PCED1B: variants seen among roughly 807,000 people sequenced by gnomAD.
PCED1B encodes PC-esterase domain containing 1B.
For missense variants in PCED1B, 573 were observed against 573.9 expected (o/e 1.00, Z 0.02); for synonymous variants, 251 against 246.1 (o/e 1.02, Z -0.19).
intron 2 of PCED1B, among the ~76,000 whole-genome samples, chr12:47,202,704 T>G (rs1322327289): frequency 6.6e-6 from 1 of 150,932 alleles, no homozygotes; most frequent in Non-Finnish European, 1.5e-5. Flanking sequence ...TGTTTAAAAA[T>G]CAGGATACAG....
At chr12:47,202,935 A>G (rs972170355) in intron 2 of PCED1B, among the ~76,000 whole-genome samples, 3 of 150,764 alleles carry the variant, frequency 2.0e-5, no homozygotes, top group African/African-American at 4.9e-5. Flanking sequence ...TCACCTCTGT[A>G]TATTCTTTAT....
At chr12:47,191,031 A>G (rs1942424598) in intron 2 of PCED1B, among the ~76,000 whole-genome samples, 1 of 152,248 alleles carries the variant, frequency 6.6e-6, no homozygotes, top group Non-Finnish European at 1.5e-5. Context: ...GGGGGTCAGG[A>G]TATGAAGTTA....
At position 47,110,074 on chromosome 12, in the gene PCED1B, A is replaced by G. The variant is rs80183494; in HGVS notation, c.-526+5879A>G. Among the ~76,000 whole-genome samples, 906 of 152,312 alleles carry G rather than the reference A, an allele frequency of 5.9e-3. 6 individuals carry two copies. The highest frequency in any genetic ancestry group is 0.02 in the African/African-American group (837 of 41,558). ...AATTGGCCTGAATGGTTGGCTTGGA[A>G]GATGTTTGTTAGTGGCCAGAATCAT... On this transcript the variant is annotated intron_variant, in intron 2 of 3. Coordinates refer to ENST00000546455, the MANE Select transcript of PCED1B (RefSeq NM_138371.3).
At chr12:47,177,615 TG>T (rs1941965315) in intron 2 of PCED1B, among the ~76,000 whole-genome samples, 1 of 151,190 alleles carries the variant, frequency 6.6e-6, no homozygotes, top group African/African-American at 2.4e-5. Context: ...GGTGGTGGGG[TG>T]GGGGGTGGCA....
At chr12:47,134,670 C>A (rs10881049) in intron 2 of PCED1B, among the ~76,000 whole-genome samples, 72,572 of 151,926 alleles carry the variant, frequency 0.48, 20,106 homozygotes, top group Non-Finnish European at 0.61. Context: ...CAGATCGAGA[C>A]CATCCTGGCC....
intron 1 of PCED1B, among the ~76,000 whole-genome samples, chr12:47,094,283 A>G (rs854896): frequency 2.0e-5 from 3 of 152,162 alleles, no homozygotes; most frequent in Non-Finnish European, 4.4e-5. Context: ...TTGTGTTTGC[A>G]TGGTATATTT....
chr12:47,232,423 C>T (rs796574966), intron 3 of PCED1B, among the ~76,000 whole-genome samples: 1 of 152,112 alleles, frequency 6.6e-6, no homozygotes, highest in East Asian at 1.9e-4. Context: ...TATTTATACC[C>T]ATTTAAAACT....
At chr12:47,197,665 AG>A (rs1435413412) in intron 2 of PCED1B, among the ~76,000 whole-genome samples, 11 of 151,696 alleles carry the variant, frequency 7.3e-5, no homozygotes, top group Admixed American at 7.2e-4. Context: ...ATACAAAAAA[AG>A]GGAGAAGACA....
At chr12:47,087,857 G>A (rs1388817946) in intron 1 of PCED1B, among the ~76,000 whole-genome samples, 1 of 152,150 alleles carries the variant, frequency 6.6e-6, no homozygotes, top group Admixed American at 6.5e-5. Context: ...CTTATCTGTG[G>A]CACTCGCAAT....
rs115202495 is a variant in PCED1B, at chr12:47,135,656, C to T, written c.-526+31461C>T. 1,062 of 513,672 alleles carry T rather than the reference C, an allele frequency of 2.1e-3. 9 individuals carry two copies. Among genetic ancestry groups the T allele is most frequent in the African/African-American group, 0.018 (913 of 51,700 alleles). The allele number at this position is 513,672 out of a possible 1,614,324, so 31.8% of individuals were successfully genotyped here. A position where few individuals can be genotyped will look rare whatever the true frequency, so the allele number is the denominator to read the frequency against. ...TCCATAGACTTCCTGTCCTAGACTTCACAGAGTAGATGAATGCTATGAAGT... is the reference window on the plus strand; with the variant it reads ...TCCATAGACTTCCTGTCCTAGACTTTACAGAGTAGATGAATGCTATGAAGT... On this transcript the variant is annotated intron_variant, in intron 2 of 3. Transcript: ENST00000546455.
intron 2 of PCED1B, among the ~76,000 whole-genome samples, chr12:47,118,799 G>C (rs1194808801): frequency 6.6e-6 from 1 of 152,078 alleles, no homozygotes; most frequent in East Asian, 1.9e-4. Flanking sequence ...CCATTTTCAC[G>C]ATATTGATTC....
intron 2 of PCED1B, among the ~76,000 whole-genome samples, chr12:47,111,026 CTGAAT>C (rs370899604): frequency 3.3e-5 from 5 of 152,240 alleles, no homozygotes; most frequent in African/African-American, 1.2e-4. Flanking sequence ...TCTCCTCCCA[CTGAAT>C]TCAATTGCTT....
At chr12:47,180,684 T>C (rs539840311) in intron 2 of PCED1B, among the ~76,000 whole-genome samples, 2 of 152,266 alleles carry the variant, frequency 1.3e-5, no homozygotes, top group East Asian at 1.9e-4. Context: ...GAGAACATTT[T>C]TGCAATCTAC....
At chr12:47,081,608 T>C (rs1225159332) in intron 1 of PCED1B, among the ~76,000 whole-genome samples, 2 of 152,226 alleles carry the variant, frequency 1.3e-5, no homozygotes, top group African/African-American at 4.8e-5. Context: ...GTTGAGATTT[T>C]CTAGTATTAG....
intron 2 of PCED1B, among the ~76,000 whole-genome samples, chr12:47,186,285 G>C (rs898594048): frequency 7.5e-6 from 1 of 133,978 alleles, no homozygotes; most frequent in African/African-American, 2.7e-5. Flanking sequence ...ATTTTGTAGA[G>C]AAGTGGCAAG....
intron 1 of PCED1B, among the ~76,000 whole-genome samples, chr12:47,102,094 C>T (rs370120729): frequency 3.9e-5 from 6 of 152,154 alleles, no homozygotes; most frequent in African/African-American, 1.4e-4. Context: ...CCAAATTATC[C>T]TTTTAATACA....
At chr12:47,101,453 GC>G (rs755350469) in intron 1 of PCED1B, among the ~76,000 whole-genome samples, 39 of 152,168 alleles carry the variant, frequency 2.6e-4, no homozygotes, top group Non-Finnish European at 4.7e-4. Flanking sequence ...CAATGACTGA[GC>G]CTTTTCCTAT....
chr12:47,083,367 C>T (rs2137138177), intron 1 of PCED1B, among the ~76,000 whole-genome samples: 1 of 152,124 alleles, frequency 6.6e-6, no homozygotes, highest in Admixed American at 6.5e-5. Context: ...ACTGGGTGTT[C>T]TTTGGAGATG....
In PCED1B at chr12:47,110,363, A is replaced by G. The variant is rs1939138564; in HGVS notation, c.-526+6168A>G. 2.3e-5 allele frequency among the ~76,000 whole-genome samples: 3 copies of G among 132,238 alleles called. No homozygotes were observed. The Admixed American group carries it at 2.6e-4, about 11-fold the overall frequency. The allele number at this position is 132,238 out of a possible 152,430, so 86.8% of individuals were successfully genotyped here. A position where few individuals can be genotyped will look rare whatever the true frequency, so the allele number is the denominator to read the frequency against. On this transcript the variant is annotated intron_variant, in intron 2 of 3. Transcript: ENST00000546455. ...GGAAAGCGCAATAGGGTTCCACTTC[A>G]ATAAATAATTTTTACGCAATCCATA...
Sources: allele counts gnomAD v4.1 joint callset (sites outside exome capture counted in the v4.1 genomes callset), GRCh38; gene constraint gnomAD v4.1.1; transcripts MANE v1.5; gene names NCBI Gene and HGNC (gene_info 2026-07-23, HGNC 2026-07-21).